EPCIP: variants seen among roughly 807,000 people sequenced by gnomAD.
The protein encoded by EPCIP is exosomal polycystin 1 interacting protein.
the EPCIP span, among the ~76,000 whole-genome samples, chr21:32,811,127 GC>G: frequency 3.7e-3 from 552 of 151,106 alleles, 3 homozygotes; most frequent in Middle Eastern, 0.027. Flanking sequence ...AGATATTATG[GC>G]CCCCCCTCCC....
the EPCIP span, among the ~76,000 whole-genome samples, chr21:32,809,281 T>C: frequency 0.36 from 9,788 of 26,932 alleles, 935 homozygotes; most frequent in East Asian, 0.52. Context: ...CCCTCCTTCC[T>C]TTCTTTCTTT....
chr21:32,808,877 G>A, the EPCIP span, among the ~76,000 whole-genome samples: 1 of 152,142 alleles, frequency 6.6e-6, no homozygotes, highest in Non-Finnish European at 1.5e-5. Context: ...TAAAAAGAGT[G>A]AATCCTGATC....
chr21:32,803,640 T>TG, the EPCIP span, among the ~76,000 whole-genome samples: 10 of 151,784 alleles, frequency 6.6e-5, no homozygotes, highest in Admixed American at 6.6e-4. Context: ...CTATGTAAGA[T>TG]ATTTGAAAAC....
the EPCIP span, chr21:32,791,183 A>C: frequency 1.3e-5 from 2 of 152,206 alleles, no homozygotes; most frequent in Non-Finnish European, 2.9e-5. Context: ...GCACAAACTG[A>C]ACCATATTTT....
At chr21:32,794,560 A>C in the EPCIP span, 1 of 791,604 alleles carries the variant, frequency 1.3e-6, no homozygotes, top group Non-Finnish European at 2.0e-6. Context: ...ACCCCAGAAA[A>C]AAACAAGTTG....
the EPCIP span, among the ~76,000 whole-genome samples, chr21:32,802,856 A>G: frequency 6.6e-6 from 1 of 152,116 alleles, no homozygotes; most frequent in Non-Finnish European, 1.5e-5. Context: ...ATCTCGGCTC[A>G]CTGCAACCTC....
chr21:32,806,478 T>C, the EPCIP span, among the ~76,000 whole-genome samples: 1 of 152,170 alleles, frequency 6.6e-6, no homozygotes. Context: ...AAATTCTGTT[T>C]TGTAGACGTA....
At chr21:32,807,002 C>G in the EPCIP span, among the ~76,000 whole-genome samples, 1 of 152,176 alleles carries the variant, frequency 6.6e-6, no homozygotes, top group East Asian at 1.9e-4. Flanking sequence ...TTTCCCCTTA[C>G]AAAGCCATCA....
the EPCIP span, among the ~76,000 whole-genome samples, chr21:32,803,988 G>A: frequency 2.8e-4 from 42 of 152,238 alleles, no homozygotes; most frequent in African/African-American, 1.0e-3. Context: ...GGTTTCTATA[G>A]TAGGATCTAA....
the EPCIP span, among the ~76,000 whole-genome samples, chr21:32,811,050 TGTGCCAGGTACTGTTAAGTGTTTCAC>T: frequency 6.6e-6 from 1 of 152,224 alleles, no homozygotes; most frequent in Admixed American, 6.5e-5. Flanking sequence ...GTGTTTCTTT[TGTGCCAGGTACTGTTAAGTGTTTCAC>T]GTGTTTTATG....
At chr21:32,809,300 CTTT>C in the EPCIP span, among the ~76,000 whole-genome samples, 1 of 125,052 alleles carries the variant, frequency 8.0e-6, no homozygotes, top group Non-Finnish European at 1.7e-5. Flanking sequence ...TTCTTTCTTT[CTTT>C]CTTTCTTTCT....
the EPCIP span, chr21:32,791,380 A>C: frequency 6.6e-6 from 1 of 152,204 alleles, no homozygotes; most frequent in Non-Finnish European, 1.5e-5. Context: ...ACTTTCTATC[A>C]TCATTTAATT....
the EPCIP span, among the ~76,000 whole-genome samples, chr21:32,800,533 A>G: frequency 6.6e-6 from 1 of 152,250 alleles, no homozygotes; most frequent in East Asian, 1.9e-4. Flanking sequence ...AAGTAAGCAC[A>G]TAGGCCGGGT....
the EPCIP span, among the ~76,000 whole-genome samples, chr21:32,809,291 T>C: frequency 2.2e-4 from 26 of 120,888 alleles, no homozygotes; most frequent in African/African-American, 8.0e-4. Flanking sequence ...TTTCTTTCTT[T>C]CTTTCTTTCT....
At chr21:32,813,635 A>T in the EPCIP span, 1 of 471,004 alleles carries the variant, frequency 2.1e-6, no homozygotes, top group African/African-American at 2.0e-5. Flanking sequence ...CACTCCACAG[A>T]CCTCTGCCTG....
chr21:32,809,312 C>A, the EPCIP span, among the ~76,000 whole-genome samples: 1 of 132,108 alleles, frequency 7.6e-6, no homozygotes, highest in Non-Finnish European at 1.6e-5. Flanking sequence ...TTCTTTCTTT[C>A]TTTCTTTCTT....
At chr21:32,804,457 G>A in the EPCIP span, among the ~76,000 whole-genome samples, 3 of 151,778 alleles carry the variant, frequency 2.0e-5, no homozygotes, top group Non-Finnish European at 2.9e-5. Context: ...GAATAGTTCT[G>A]TAGTATTATG....
chr21:32,791,850 C>T, the EPCIP span, among the ~76,000 whole-genome samples: 23 of 151,866 alleles, frequency 1.5e-4, no homozygotes, highest in African/African-American at 4.3e-4. Context: ...GTTTCAAATT[C>T]ATTCCACTCC....
chr21:32,805,149 A>T, the EPCIP span, among the ~76,000 whole-genome samples: 2 of 152,192 alleles, frequency 1.3e-5, no homozygotes, highest in Admixed American at 1.3e-4. Context: ...TGAAGCAGAG[A>T]TTGGAGCAAT....
Sources: gnomAD v4.1 joint callset for allele counts (sites outside exome capture counted in the v4.1 genomes callset) on GRCh38, gnomAD v4.1.1 for gene constraint, MANE v1.5 for transcripts, NCBI Gene and HGNC (gene_info 2026-07-23, HGNC 2026-07-21) for gene names.